Variants in DNAH10 observed in about 807,000 individuals in gnomAD.
The protein encoded by DNAH10 is axonemal beta dynein heavy chain 10.
Under a neutral mutation model 506.6 loss-of-function variants are expected in DNAH10, and 348 were observed. The observed-to-expected ratio is 0.69, with a 90% CI of 0.63 to 0.75. The LOEUF (loss-of-function observed/expected upper bound fraction) is 0.75, where lower values mean the gene tolerates loss of function less well. Ranked by LOEUF, DNAH10 falls within the 30% of genes least tolerant of loss-of-function variation. The pLI, the probability that DNAH10 is intolerant of heterozygous loss-of-function variation, is 0.00. For missense variants in DNAH10, 5,179 were observed against 5,787.1 expected, an observed-to-expected ratio of 0.89 and a Z score of 3.41; for synonymous variants, 2,059 against 2,198.6, an observed-to-expected ratio of 0.94 and a Z score of 1.78.
Position 123,902,304 on chromosome 12 carries a change from G to A in DNAH10, c.9641-635G>A, listed in dbSNP as rs1231520330. Among the ~76,000 whole-genome samples the A allele has an allele frequency of 2.0e-5, 3 of 152,142 alleles. No homozygotes were observed. Among genetic ancestry groups the A allele is most frequent in the Non-Finnish European group, 4.4e-5 (3 of 68,022 alleles). ...CACATCCTGAGGTCCCAGTGGGCAC[G>A]AATCTTGGTGGGGTGACACTGTTCA... On this transcript the variant is annotated intron_variant, in intron 56 of 78. Coordinates refer to ENST00000673944, the MANE Select transcript of DNAH10 (RefSeq NM_001372106.1). This position sits in a 1 kb window ranked among gnomAD's most constrained non-coding sequence, Gnocchi z 4.5.
chr12:123,840,431 G>A (rs545714110), intron 29 of DNAH10, among the ~76,000 whole-genome samples: 18 of 119,160 alleles, frequency 1.5e-4, no homozygotes, highest in African/African-American at 5.5e-4. Context: ...TTCAGACAGG[G>A]CGTTGCTTTG....
At chr12:123,918,464 T>C (rs1954582268) in intron 64 of DNAH10, among the ~76,000 whole-genome samples, 1 of 152,208 alleles carries the variant, frequency 6.6e-6, no homozygotes, top group African/African-American at 2.4e-5. Context: ...CAAGCAGTGT[T>C]ACTAGGGGAA....
chr12:123,766,745 C>T (rs1047024018), intron 1 of DNAH10, among the ~76,000 whole-genome samples: 2 of 152,048 alleles, frequency 1.3e-5, no homozygotes, highest in Admixed American at 6.5e-5. Context: ...GGATGAGGCA[C>T]CTGTTTCCCA....
At chr12:123,852,712 T>C (rs1220199070) in intron 35 of DNAH10, among the ~76,000 whole-genome samples, 6 of 152,158 alleles carry the variant, frequency 3.9e-5, no homozygotes, top group Admixed American at 1.3e-4. Context: ...TAGCTGGGAT[T>C]ATAGGCATGC....
chr12:123,935,278 C>T, intron 78 of DNAH10, 57 bp from the exon 79 acceptor site: 1 of 1,578,524 alleles, frequency 6.3e-7, no homozygotes, highest in South Asian at 1.1e-5. Context: ...GCACCTCTGC[C>T]TTTATCCCTC....
chr12:123,808,387 C>T (rs544092104), intron 18 of DNAH10, among the ~76,000 whole-genome samples: 2 of 152,116 alleles, frequency 1.3e-5, no homozygotes, highest in African/African-American at 2.4e-5. Flanking sequence ...GGGGTTGGGC[C>T]GGCAGGGGGA....
intron 42 of DNAH10, 46 bp downstream of exon 42, chr12:123,867,647 A>C (rs750590792): frequency 8.4e-5 from 135 of 1,609,030 alleles, no homozygotes; most frequent in Non-Finnish European, 1.1e-4. Context: ...TCTTTCCTAA[A>C]GACAAGCTCA....
In DNAH10 at chr12:123,785,663, C is replaced by T. The variant is rs552198429; in HGVS notation, c.1231-83C>T. ...AAAAAAAAAAAAAAAAAGAGTGAAA[C>T]TTCTTGCATGCTTACTGTTTTATGA... On this transcript the variant is annotated intron_variant, in intron 8 of 78. Coordinates refer to ENST00000673944, the MANE Select transcript of DNAH10 (RefSeq NM_001372106.1). This position sits in a 1 kb window ranked among gnomAD's most constrained non-coding sequence, Gnocchi z 4.1. The T allele has an allele frequency of 2.1e-6, 2 of 956,948 alleles. No homozygotes were observed. The highest frequency in any genetic ancestry group is 2.9e-5 in the East Asian group (1 of 34,596). The allele number at this position is 956,948 out of a possible 1,614,324, so 59.3% of individuals were successfully genotyped here. A position where few individuals can be genotyped will look rare whatever the true frequency, so the allele number is the denominator to read the frequency against.
chr12:123,853,904 AC>A lies in DNAH10; in HGVS notation c.6438+553del, dbSNP rs1951279919. 6.7e-6 allele frequency among the ~76,000 whole-genome samples: 1 copy of A among 149,120 alleles called. No homozygotes were observed. The highest frequency in any genetic ancestry group is 1.5e-5 in the Non-Finnish European group (1 of 67,188). ...TGCACGCGCACACACGTACGCACGC[AC>A]ATGTACACATACGCACACGCACGCA... On this transcript the variant is annotated intron_variant, in intron 36 of 78. Coordinates refer to ENST00000673944, the MANE Select transcript of DNAH10 (RefSeq NM_001372106.1). The surrounding 1 kb of genome is among the most constrained non-coding windows in gnomAD (Gnocchi z 4.7).
At position 123,789,935 on chromosome 12, in the gene DNAH10, G is replaced by A. The variant is rs996501187; in HGVS notation, c.1629G>A (p.Glu543=). Reference sequence around the variant, plus strand: ...TCCGTTTGATTGGACAGATTTTGGAGGAATTTTATAACATATTTGGTCCAG... The same window carrying A: ...TCCGTTTGATTGGACAGATTTTGGAAGAATTTTATAACATATTTGGTCCAG... ...QDLSDVLQIL[E]EFYNIFGPEL... is the part of the protein sequence containing the mutation. The change falls in exon 11 of 79, where the codon GAG becomes GAA. Residue 543 remains glutamate (E), a synonymous_variant. Transcript: ENST00000673944. The A allele has an allele frequency of 9.3e-6, 15 of 1,611,480 alleles. No individual in the cohort carries two copies. The highest frequency in any genetic ancestry group is 1.3e-5 in the Non-Finnish European group (15 of 1,178,746).
In DNAH10 at chr12:123,762,483, G is replaced by A; in HGVS notation, c.147G>A (p.Glu49=). ...LILHFLNQAS[E]EEGPSALFIY... ...TGCACTTCCTCAACCAGGCGAGCGA[G>A]GAGGAGGGGCCCTCGGCGCTCTTCA... The change falls in exon 1 of 79, where the codon GAG becomes GAA. Residue 49 remains glutamate, a synonymous_variant. Transcript: ENST00000673944. The surrounding 1 kb of genome is among the most constrained non-coding windows in gnomAD (Gnocchi z 5.0). The A allele has an allele frequency of 6.6e-7, 1 of 1,514,344 alleles. No homozygotes were observed. The highest frequency in any genetic ancestry group is 1.3e-5 in the South Asian group (1 of 79,948). 93.8% of individuals were successfully genotyped at this position (1,514,344 alleles called of 1,614,324 possible).
At chr12:123,766,016 C>G (rs1957032113) in intron 1 of DNAH10, among the ~76,000 whole-genome samples, 1 of 152,122 alleles carries the variant, frequency 6.6e-6, no homozygotes, top group African/African-American at 2.4e-5. Flanking sequence ...ATTTATCTAC[C>G]TACCTATACA....
intron 21 of DNAH10, among the ~76,000 whole-genome samples, chr12:123,814,609 A>ATTTTTTTTTT (rs1214217837): frequency 5.8e-4 from 70 of 121,192 alleles, no homozygotes; most frequent in African/African-American, 2.3e-3. Context: ...GGCCAGGTAG[A>ATTTTTTTTTT]TTTTTTTTTT....
At chr12:123,854,400 A>T (rs1951309540) in intron 36 of DNAH10, among the ~76,000 whole-genome samples, 1 of 152,204 alleles carries the variant, frequency 6.6e-6, no homozygotes, top group Non-Finnish European at 1.5e-5. Flanking sequence ...GGCCGTTTGC[A>T]GCAGTCTCTC....
At position 123,909,434 on chromosome 12, in the gene DNAH10, A is replaced by G. The variant is rs1288533604; in HGVS notation, c.9989A>G (p.Asn3330Ser). ...TCGATTACCCAGAGCCAAGTGAAAA[A>G]CATCAAAGGTGAGTGTAGCCACGTG... ...FDSITQSQVK[N>S]IKGLLKTLNT... The change falls in exon 58 of 79, where the codon AAC (asparagine) becomes AGC (serine). Residue 3330 changes from asparagine to serine, a missense_variant. By Grantham distance (46) the Asn-to-Ser change is conservative. Around this residue, in one of 3 missense-constraint regions of DNAH10, gnomAD observed 4,844 missense variants for 5,430.5 expected, o/e 0.89. Coordinates refer to ENST00000673944, the MANE Select transcript of DNAH10 (RefSeq NM_001372106.1). This position sits in a 1 kb window ranked among gnomAD's most constrained non-coding sequence, Gnocchi z 5.4. The G allele has an allele frequency of 1.9e-6, 3 of 1,591,846 alleles. No homozygotes were observed. The African/African-American group carries it at 4.0e-5, about 21-fold the overall frequency.
intron 52 of DNAH10, among the ~76,000 whole-genome samples, chr12:123,889,242 A>C (rs973909495): frequency 6.6e-6 from 1 of 152,170 alleles, no homozygotes; most frequent in Admixed American, 6.5e-5. Flanking sequence ...TCTGCGTGCC[A>C]CTATCTAGAG....
chr12:123,847,564 CTCAG>C (rs1183358710), intron 32 of DNAH10, among the ~76,000 whole-genome samples: 1 of 152,118 alleles, frequency 6.6e-6, no homozygotes, highest in Non-Finnish European at 1.5e-5. Flanking sequence ...AGTGCCCTGG[CTCAG>C]TCAGTCAGGC....
intron 24 of DNAH10, 32 bp downstream of exon 24, chr12:123,820,790 G>T (rs779928886): frequency 6.2e-7 from 1 of 1,609,436 alleles, no homozygotes; most frequent in Non-Finnish European, 8.5e-7. Flanking sequence ...AAGGACTCAG[G>T]CTCACTGAAG....
chr12:123,880,159 A>G (rs1566037791), intron 50 of DNAH10, among the ~76,000 whole-genome samples: 3 of 152,120 alleles, frequency 2.0e-5, no homozygotes, highest in Admixed American at 1.3e-4. Flanking sequence ...CTGCTGGCCA[A>G]TCAAAGCCCA....
Sources: allele counts gnomAD v4.1 joint callset (sites outside exome capture counted in the v4.1 genomes callset), GRCh38; gene constraint gnomAD v4.1.1; regional missense constraint gnomAD v4.1.1; non-coding constraint Gnocchi (gnomAD v3.1); transcripts MANE v1.5; gene names NCBI Gene and HGNC (gene_info 2026-07-23, HGNC 2026-07-21).